HPSE2: variants seen among roughly 807,000 people sequenced by gnomAD.
The protein encoded by HPSE2 is inactive heparanase-2.
Under a neutral mutation model 60.5 loss-of-function variants are expected in HPSE2, and 38 were observed. The observed-to-expected ratio is 0.63, with a 90% CI of 0.48 to 0.82. The LOEUF is 0.82. Ranked by LOEUF, HPSE2 falls within the 40% of genes least tolerant of loss-of-function variation. HPSE2 has a pLI of 0.00. For missense variants in HPSE2, 713 were observed against 740.4 expected, an observed-to-expected ratio of 0.96 and a Z score of 0.43; for synonymous variants, 295 against 293.2, an observed-to-expected ratio of 1.01 and a Z score of -0.06.
rs150814630 is a variant in HPSE2, at chr10:98,859,891, T to C, written c.611-115835A>G. On this transcript the variant is annotated intron_variant, in intron 3 of 11. Transcript: ENST00000370552. Reference sequence around the variant, plus strand: ...TCAGTCAATTACAGTCCAAAATTACTATATACAGTAAGATATTTTGAGAGA... The same window carrying C: ...TCAGTCAATTACAGTCCAAAATTACCATATACAGTAAGATATTTTGAGAGA... Among the ~76,000 whole-genome samples the C allele has an allele frequency of 7.7e-4, 117 of 152,198 alleles. 1 individual carries two copies. The highest frequency in any genetic ancestry group is 2.7e-3 in the African/African-American group (112 of 41,570).
chr10:98,665,625 CT>C (rs1947342651), intron 6 of HPSE2, among the ~76,000 whole-genome samples: 2 of 152,160 alleles, frequency 1.3e-5, no homozygotes, highest in African/African-American at 4.8e-5. Context: ...AGATTGCAGC[CT>C]TTTTTCAGCA....
chr10:98,519,150 A>G (rs887706533), intron 9 of HPSE2, among the ~76,000 whole-genome samples: 2 of 152,238 alleles, frequency 1.3e-5, no homozygotes, highest in Admixed American at 1.3e-4. Flanking sequence ...GAATAGAAAC[A>G]AACAGATAGA....
intron 2 of HPSE2, among the ~76,000 whole-genome samples, chr10:99,210,533 C>T (rs776275656): frequency 6.6e-6 from 1 of 152,120 alleles, no homozygotes; most frequent in Non-Finnish European, 1.5e-5. Flanking sequence ...AAAATGCTAA[C>T]AAACTGAATT....
chr10:98,626,055 G>A (rs756999749), intron 7 of HPSE2, among the ~76,000 whole-genome samples: 2 of 149,558 alleles, frequency 1.3e-5, no homozygotes, highest in East Asian at 3.9e-4. Context: ...GCAGTGAGCC[G>A]AGATCGCACC....
intron 3 of HPSE2, among the ~76,000 whole-genome samples, chr10:98,831,732 A>G (rs1258589886): frequency 1.3e-5 from 2 of 152,174 alleles, no homozygotes; most frequent in Non-Finnish European, 2.9e-5. Flanking sequence ...GAGCCAGGAG[A>G]TCTGGGTAGA....
intron 7 of HPSE2, among the ~76,000 whole-genome samples, chr10:98,629,661 A>G (rs2134007235): frequency 6.6e-6 from 1 of 152,148 alleles, no homozygotes; most frequent in East Asian, 1.9e-4. Context: ...CATCCTTCAC[A>G]CTGCTGCTAT....
intron 3 of HPSE2, among the ~76,000 whole-genome samples, chr10:99,040,980 C>T (rs759941370): frequency 1.2e-4 from 18 of 150,966 alleles, no homozygotes; most frequent in South Asian, 2.1e-4. Flanking sequence ...CCAGCTACTC[C>T]GGAGGCCGAG....
intron 3 of HPSE2, chr10:98,924,703 A>G (rs971001677): frequency 6.6e-6 from 1 of 152,184 alleles, no homozygotes; most frequent in East Asian, 1.9e-4. Context: ...TTACTCTCCC[A>G]TAGCTGTGCC....
intron 3 of HPSE2, among the ~76,000 whole-genome samples, chr10:98,945,407 T>C (rs192974618): frequency 1.3e-5 from 2 of 152,302 alleles, no homozygotes; most frequent in East Asian, 3.9e-4. Context: ...TAGCTTTCTC[T>C]ACTTATCATA....
chr10:98,652,452 A>G (rs1174358493), intron 6 of HPSE2, among the ~76,000 whole-genome samples: 3 of 152,176 alleles, frequency 2.0e-5, no homozygotes, highest in Non-Finnish European at 4.4e-5. Context: ...CCAAGTCCCT[A>G]AAGTGACCTC....
intron 3 of HPSE2, among the ~76,000 whole-genome samples, chr10:98,972,672 GC>G (rs1221408824): frequency 1.3e-5 from 2 of 152,044 alleles, no homozygotes; most frequent in Non-Finnish European, 2.9e-5. Context: ...AAACAACTTT[GC>G]TACTGTCTTT....
intron 9 of HPSE2, among the ~76,000 whole-genome samples, chr10:98,492,510 C>CAAAAAAAAAAAAAAAAAAAAAAA (rs10645866): frequency 8.9e-6 from 1 of 112,146 alleles, no homozygotes; most frequent in African/African-American, 3.5e-5. Flanking sequence ...TCAAAAAAGA[C>CAAAAAAAAAAAAAAAAAAAAAAA]AAAAAAAAAA....
chr10:98,580,200 T>G (rs2133918769), intron 9 of HPSE2, among the ~76,000 whole-genome samples: 1 of 152,310 alleles, frequency 6.6e-6, no homozygotes, highest in South Asian at 2.1e-4. Flanking sequence ...TTAAAATTTT[T>G]TTCAGTGATG....
intron 3 of HPSE2, among the ~76,000 whole-genome samples, chr10:99,100,133 C>T (rs1034424170): frequency 6.6e-6 from 1 of 152,326 alleles, no homozygotes; most frequent in African/African-American, 2.4e-5. Context: ...TGGAACAAAG[C>T]TGGGTGGAGA....
At chr10:98,791,606 A>G (rs17110867) in intron 3 of HPSE2, among the ~76,000 whole-genome samples, 11,205 of 152,320 alleles carry the variant, frequency 0.074, 575 homozygotes, top group South Asian at 0.19. Flanking sequence ...ACATAAAAAT[A>G]TCTCTATAAA....
intron 3 of HPSE2, among the ~76,000 whole-genome samples, chr10:99,132,200 AGAGAGAG>A (rs1398025203): frequency 1.2e-4 from 2 of 16,792 alleles, no homozygotes; most frequent in African/African-American, 2.1e-4. Flanking sequence ...AAAGAGAGAG[AGAGAGAG>A]AGAGAGAGAG....
At chr10:98,626,938 T>G (rs770548694) in intron 7 of HPSE2, among the ~76,000 whole-genome samples, 9 of 152,234 alleles carry the variant, frequency 5.9e-5, no homozygotes, top group South Asian at 2.1e-4. Flanking sequence ...CACGCCCAGC[T>G]AATTTTTTGT....
At chr10:98,750,073 C>T (rs949317449) in intron 3 of HPSE2, among the ~76,000 whole-genome samples, 2 of 151,372 alleles carry the variant, frequency 1.3e-5, no homozygotes, top group South Asian at 4.2e-4. Context: ...TAGTATAGAA[C>T]CAATAGTAGC....
chr10:99,197,687 TAAAC>T (rs1848447603), intron 2 of HPSE2, among the ~76,000 whole-genome samples: 1 of 152,138 alleles, frequency 6.6e-6, no homozygotes, highest in South Asian at 2.1e-4. Context: ...CTGATGAAGA[TAAAC>T]AAGACAGAGA....
Sources: allele counts gnomAD v4.1 joint callset (sites outside exome capture counted in the v4.1 genomes callset), GRCh38; gene constraint gnomAD v4.1.1; transcripts MANE v1.5; gene names NCBI Gene and HGNC (gene_info 2026-07-23, HGNC 2026-07-21).